GRID2: variants seen among roughly 807,000 people sequenced by gnomAD.
The protein encoded by GRID2 is glutamate receptor ionotropic, delta-2.
Under a neutral mutation model 114.8 loss-of-function variants are expected in GRID2, and 33 were observed. That is an observed-to-expected ratio of 0.29 (90% CI 0.22 to 0.38). GRID2 has a LOEUF of 0.38. Ranked by LOEUF, GRID2 falls within the 10% of genes least tolerant of loss-of-function variation. GRID2 has a pLI of 1.00. For missense variants in GRID2, 1,184 were observed against 1,257.7 expected (o/e 0.94, Z 0.89); for synonymous variants, 505 against 449.9 (o/e 1.12, Z -1.55).
At chr4:93,156,494 G>GA (rs983003675) in intron 4 of GRID2, among the ~76,000 whole-genome samples, 3 of 151,756 alleles carry the variant, frequency 2.0e-5, no homozygotes, top group African/African-American at 7.3e-5. Context: ...TAGAAAGAAA[G>GA]AAGAAGATTC....
At chr4:92,923,476 A>C (rs1337366617) in intron 2 of GRID2, among the ~76,000 whole-genome samples, 1 of 152,150 alleles carries the variant, frequency 6.6e-6, no homozygotes, top group East Asian at 1.9e-4. Flanking sequence ...TCAAGTGAAT[A>C]GTACTAATAC....
intron 2 of GRID2, among the ~76,000 whole-genome samples, chr4:92,814,559 C>T (rs1740795348): frequency 6.6e-6 from 1 of 152,078 alleles, no homozygotes; most frequent in African/African-American, 2.4e-5. Context: ...CCAAATAAGT[C>T]ACCCATAGGG....
chr4:92,492,945 A>G (rs1236452801), intron 1 of GRID2, among the ~76,000 whole-genome samples: 2 of 151,942 alleles, frequency 1.3e-5, no homozygotes, highest in Non-Finnish European at 1.5e-5. Flanking sequence ...CCTGGCCAAC[A>G]TGGTGAAACC....
Position 93,772,428 on chromosome 4 carries a change from T to C in GRID2, c.2954T>C (p.Ile985Thr), listed in dbSNP as rs1734182754. 1 of 1,613,760 alleles carries C rather than the reference T, an allele frequency of 6.2e-7. No individual in the cohort carries two copies. Among genetic ancestry groups the C allele is most frequent in the South Asian group, 1.1e-5 (1 of 91,066 alleles). The change falls in exon 16 of 16, where the codon ATT becomes ACT. Residue 985 changes from isoleucine (I) to threonine (T), a missense_variant. Ile to Thr is a moderately conservative substitution (Grantham distance 89, BLOSUM62 -1). Transcript: ENST00000282020. ...FRSPIKTMSS[I>T]PYQPTPTLGL... The stretch of plus-strand genomic sequence containing the variant: ...AGTCCTATAAAAACAATGTCATCTA[T>C]TCCTTATCAACCAACTCCTACCCTG...
intron 8 of GRID2, among the ~76,000 whole-genome samples, chr4:93,291,683 C>G (rs1270878530): frequency 1.3e-5 from 2 of 152,294 alleles, no homozygotes; most frequent in East Asian, 3.9e-4. Flanking sequence ...GTTAGTGTGA[C>G]AAACTCATAG....
chr4:93,475,784 G>T (rs2149440605), intron 11 of GRID2, among the ~76,000 whole-genome samples: 1 of 152,204 alleles, frequency 6.6e-6, no homozygotes, highest in East Asian at 1.9e-4. Flanking sequence ...ACTACTGATT[G>T]ATTGAATCTC....
At chr4:92,878,282 T>C (rs1745772999) in intron 2 of GRID2, among the ~76,000 whole-genome samples, 1 of 152,176 alleles carries the variant, frequency 6.6e-6, no homozygotes, top group African/African-American at 2.4e-5. Flanking sequence ...CAGTCATCTT[T>C]CAAATATCTG....
At chr4:93,332,194 C>A (rs1489230179) in intron 8 of GRID2, among the ~76,000 whole-genome samples, 4 of 151,504 alleles carry the variant, frequency 2.6e-5, no homozygotes, top group Non-Finnish European at 5.9e-5. Flanking sequence ...ATTTGACTTA[C>A]AGAAGAAAGA....
intron 2 of GRID2, among the ~76,000 whole-genome samples, chr4:92,753,966 A>G (rs563866459): frequency 2.0e-5 from 3 of 152,356 alleles, no homozygotes; most frequent in Non-Finnish European, 2.9e-5. Flanking sequence ...TAATAGCTAT[A>G]TATGACAATA....
chr4:92,606,862 A>G (rs759746797), intron 2 of GRID2, among the ~76,000 whole-genome samples: 1 of 152,056 alleles, frequency 6.6e-6, no homozygotes, highest in East Asian at 1.9e-4. Flanking sequence ...AAGTCAATCT[A>G]TGTATCACAT....
intron 2 of GRID2, among the ~76,000 whole-genome samples, chr4:92,858,638 A>G (rs1213916328): frequency 2.0e-5 from 3 of 152,144 alleles, no homozygotes; most frequent in African/African-American, 4.8e-5. Context: ...CCTCCCTGCA[A>G]GCTCCGACTC....
At chr4:92,906,740 A>G (rs1578435035) in intron 2 of GRID2, among the ~76,000 whole-genome samples, 1 of 152,030 alleles carries the variant, frequency 6.6e-6, no homozygotes, top group South Asian at 2.1e-4. Flanking sequence ...TGCCTCAGCC[A>G]CACGAGTAGC....
intron 2 of GRID2, among the ~76,000 whole-genome samples, chr4:93,011,563 T>G (rs1722169511): frequency 6.6e-6 from 1 of 152,114 alleles, no homozygotes; most frequent in Admixed American, 6.6e-5. Flanking sequence ...ATGAAAATAC[T>G]TACCATTTCA....
intron 1 of GRID2, among the ~76,000 whole-genome samples, chr4:92,444,788 G>T (rs1181244849): frequency 6.6e-6 from 1 of 152,238 alleles, no homozygotes; most frequent in Admixed American, 6.5e-5. Context: ...CATGTGGACA[G>T]TGGGTTTACT....
intron 2 of GRID2, among the ~76,000 whole-genome samples, chr4:92,719,206 C>T (rs891227599): frequency 2.4e-4 from 36 of 152,102 alleles, no homozygotes; most frequent in Admixed American, 9.8e-4. Context: ...AAGTTGGTCT[C>T]GAACTCCTGA....
intron 8 of GRID2, among the ~76,000 whole-genome samples, chr4:93,268,481 T>C: frequency 6.6e-6 from 1 of 152,088 alleles, no homozygotes; most frequent in East Asian, 1.9e-4. Flanking sequence ...AAACATTCAG[T>C]CCATAACAAA....
chr4:92,413,876 G>A (rs1319427965), intron 1 of GRID2, among the ~76,000 whole-genome samples: 1 of 152,008 alleles, frequency 6.6e-6, no homozygotes, highest in Admixed American at 6.6e-5. Flanking sequence ...ATTTTGAAGA[G>A]GAACACACTA....
At chr4:93,002,014 TA>T (rs962547432) in intron 2 of GRID2, among the ~76,000 whole-genome samples, 28 of 151,528 alleles carry the variant, frequency 1.8e-4, no homozygotes, top group Admixed American at 5.3e-4. Context: ...GGTATCTAAG[TA>T]ATTCTGTAAG....
intron 2 of GRID2, among the ~76,000 whole-genome samples, chr4:92,750,664 C>A (rs777731506): frequency 3.6e-4 from 55 of 152,194 alleles, no homozygotes; most frequent in Admixed American, 1.4e-3. Flanking sequence ...TTGAAAAGTT[C>A]CATGCTTGTT....
Sources: gnomAD v4.1 joint callset for allele counts (sites outside exome capture counted in the v4.1 genomes callset) on GRCh38, gnomAD v4.1.1 for gene constraint, MANE v1.5 for transcripts, NCBI Gene and HGNC (gene_info 2026-07-23, HGNC 2026-07-21) for gene names.